Variants in ANXA8 observed in about 807,000 individuals in gnomAD.
The protein encoded by ANXA8 is annexin A8.
A neutral mutation model predicts 26.8 loss-of-function variants in ANXA8; 9 were observed. The observed-to-expected ratio is 0.34, with a 90% CI of 0.20 to 0.59. The LOEUF (loss-of-function observed/expected upper bound fraction) is 0.59, where lower values mean the gene tolerates loss of function less well. Ranked by LOEUF, ANXA8 falls within the 20% of genes least tolerant of loss-of-function variation. The probability of loss-of-function intolerance (pLI) is 0.84; values close to 1 mark genes in which losing one functional copy is unlikely to be tolerated. For synonymous variants in ANXA8, 39 were observed against 94.8 expected, an observed-to-expected ratio of 0.41 and a Z score of 3.42; for missense variants, 83 against 238.5, an observed-to-expected ratio of 0.35 and a Z score of 4.29.
chr10:47,775,480 A>G, the ANXA8 span, among the ~76,000 whole-genome samples: 23 of 135,520 alleles, frequency 1.7e-4, no homozygotes, highest in African/African-American at 6.3e-4. Context: ...GAGGACATAA[A>G]CATAATCCAG....
the ANXA8 span, chr10:47,985,599 T>G: frequency 1.7e-5 from 2 of 116,684 alleles, no homozygotes; most frequent in African/African-American, 3.1e-5. Flanking sequence ...ATTCAATGTG[T>G]TTTGTCAAAT....
At chr10:47,969,254 G>T in the ANXA8 span, among the ~76,000 whole-genome samples, 1 of 151,494 alleles carries the variant, frequency 6.6e-6, no homozygotes, top group Non-Finnish European at 1.5e-5. Context: ...TAGCATTAGA[G>T]AATTGTTTCA....
the ANXA8 span, among the ~76,000 whole-genome samples, chr10:47,554,134 T>TAAATAAATAAAG: frequency 2.1e-5 from 3 of 141,948 alleles, no homozygotes; most frequent in East Asian, 6.5e-4. Flanking sequence ...AATAAATAAA[T>TAAATAAATAAAG]AAATAAATAA....
At chr10:47,943,753 A>G in the ANXA8 span, among the ~76,000 whole-genome samples, 1 of 150,344 alleles carries the variant, frequency 6.7e-6, no homozygotes, top group South Asian at 2.1e-4. Flanking sequence ...TGTACCTTGA[A>G]CCACAAAATG....
At chr10:47,755,049 C>T in the ANXA8 span, among the ~76,000 whole-genome samples, 52 of 145,220 alleles carry the variant, frequency 3.6e-4, no homozygotes, top group African/African-American at 1.1e-3. Context: ...CTCTGCCTCC[C>T]GGGTTCAAGT....
chr10:47,645,721 A>T, the ANXA8 span, among the ~76,000 whole-genome samples: 1 of 150,906 alleles, frequency 6.6e-6, no homozygotes, highest in Admixed American at 6.6e-5. Flanking sequence ...GTTTCCAGAG[A>T]AATTAGCATT....
chr10:47,719,151 T>C, the ANXA8 span, among the ~76,000 whole-genome samples: 3 of 127,266 alleles, frequency 2.4e-5, no homozygotes, highest in Admixed American at 2.3e-4. Flanking sequence ...GTTCACCTCC[T>C]ATTTGGCTTT....
the ANXA8 span, among the ~76,000 whole-genome samples, chr10:47,667,206 T>C: frequency 6.6e-5 from 10 of 152,034 alleles, no homozygotes; most frequent in South Asian, 2.1e-4. Flanking sequence ...AGGCAAATAT[T>C]TGATACCTTA....
the ANXA8 span, among the ~76,000 whole-genome samples, chr10:47,537,253 AAC>A: frequency 7.8e-6 from 1 of 129,006 alleles, no homozygotes; most frequent in African/African-American, 3.0e-5. Flanking sequence ...CCAGTTCATT[AAC>A]ACAAATTCTA....
At chr10:47,740,422 A>G in the ANXA8 span, among the ~76,000 whole-genome samples, 2 of 136,010 alleles carry the variant, frequency 1.5e-5, 1 homozygote, top group African/African-American at 5.6e-5. Context: ...TAGAGTTTTA[A>G]CAAATATATA....
At chr10:47,513,162 G>A in the ANXA8 span, among the ~76,000 whole-genome samples, 1 of 149,536 alleles carries the variant, frequency 6.7e-6, no homozygotes, top group Non-Finnish European at 1.5e-5. Flanking sequence ...AGCCACCCGA[G>A]TAGATGGGAT....
chr10:47,684,402 C>T, the ANXA8 span, among the ~76,000 whole-genome samples: 1 of 141,200 alleles, frequency 7.1e-6, no homozygotes, highest in Middle Eastern at 3.6e-3. Flanking sequence ...AATAGGGCCA[C>T]TTTCTAGTCA....
At chr10:47,694,711 G>A in the ANXA8 span, among the ~76,000 whole-genome samples, 65 of 151,988 alleles carry the variant, frequency 4.3e-4, no homozygotes, top group Admixed American at 1.6e-3. Context: ...GAGCCACCGC[G>A]CCCGGCCCAT....
At chr10:47,686,642 G>C in the ANXA8 span, among the ~76,000 whole-genome samples, 1 of 152,048 alleles carries the variant, frequency 6.6e-6, no homozygotes, top group South Asian at 2.1e-4. Context: ...TGTTTGTTAC[G>C]TGAGTGATTG....
the ANXA8 span, among the ~76,000 whole-genome samples, chr10:47,554,129 A>ATAAATAAG: frequency 2.8e-5 from 4 of 143,176 alleles, 1 homozygote; most frequent in African/African-American, 1.1e-4. Flanking sequence ...AAATAAATAA[A>ATAAATAAG]TAAATAAATA....
the ANXA8 span, among the ~76,000 whole-genome samples, chr10:47,547,506 C>A: frequency 3.0e-5 from 3 of 98,716 alleles, no homozygotes; most frequent in African/African-American, 1.1e-4. Flanking sequence ...AGAGAAAATG[C>A]GCATTGTGTG....
chr10:47,710,169 G>C, the ANXA8 span: 1 of 939,332 alleles, frequency 1.1e-6, no homozygotes, highest in Non-Finnish European at 1.6e-6. Flanking sequence ...TATTTGTCAA[G>C]AAAAATGTAA....
chr10:47,953,875 C>T, the ANXA8 span, among the ~76,000 whole-genome samples: 1 of 150,250 alleles, frequency 6.7e-6, no homozygotes. Context: ...TGGCTTTTAT[C>T]CAAGAAAGGC....
chr10:47,562,198 G>A, the ANXA8 span, among the ~76,000 whole-genome samples: 17 of 151,648 alleles, frequency 1.1e-4, no homozygotes, highest in African/African-American at 3.4e-4. Context: ...TTAAAATATT[G>A]TTAATATTAA....
Sources: gnomAD v4.1 joint callset for allele counts (sites outside exome capture counted in the v4.1 genomes callset) on GRCh38, gnomAD v4.1.1 for gene constraint, MANE v1.5 for transcripts, NCBI Gene and HGNC (gene_info 2026-07-23, HGNC 2026-07-21) for gene names.